The following TANC2 variants were observed in gnomAD, a reference collection of about 807,000 sequenced individuals.
TANC2 encodes tetratricopeptide repeat, ankyrin repeat and coiled-coil containing 2, also known as protein TANC2.
In TANC2, 26 loss-of-function variants were observed where a neutral mutation model predicts 210.5. The ratio of observed to expected loss-of-function variants is 0.12; its 90% CI spans 0.09 to 0.17. The LOEUF is 0.17. TANC2 is among the 10% of genes least tolerant of loss of function. The probability of loss-of-function intolerance (pLI) is 1.00; values close to 1 mark genes in which losing one functional copy is unlikely to be tolerated. For missense variants in TANC2, 2,129 were observed against 2,608.9 expected, an observed-to-expected ratio of 0.82 and a Z score of 4.01; for synonymous variants, 931 against 967.1, an observed-to-expected ratio of 0.96 and a Z score of 0.69.
chr17:63,040,324 T>G (rs998573165), intron 2 of TANC2, among the ~76,000 whole-genome samples: 1 of 152,182 alleles, frequency 6.6e-6, no homozygotes, highest in East Asian at 1.9e-4. Context: ...ATGTTCAGCA[T>G]TGACTCAAGG....
At chr17:62,967,548 G>A (rs185264377) in intron 1 of TANC2, 87 of 152,222 alleles carry the variant, frequency 5.7e-4, no homozygotes, top group African/African-American at 2.1e-3. Flanking sequence ...TCTCTTCTCT[G>A]CTCCTCTCCA....
At chr17:63,092,627 A>G (rs1351245054) in intron 3 of TANC2, among the ~76,000 whole-genome samples, 1 of 152,048 alleles carries the variant, frequency 6.6e-6, no homozygotes, top group East Asian at 1.9e-4. Context: ...ACTTTCAATC[A>G]TAGTGGAAGG....
chr17:63,335,872 A>C (rs2046009749), intron 11 of TANC2, among the ~76,000 whole-genome samples: 2 of 152,166 alleles, frequency 1.3e-5, no homozygotes, highest in Admixed American at 6.5e-5. Flanking sequence ...GATGAGGGAT[A>C]AATAGAAAGT....
intron 8 of TANC2, among the ~76,000 whole-genome samples, chr17:63,248,162 G>T (rs2042966208): frequency 6.6e-6 from 1 of 151,974 alleles, no homozygotes; most frequent in South Asian, 2.1e-4. Flanking sequence ...TCTCAGGAGG[G>T]TCTGCTCTTT....
exon 28 of TANC2, chr17:63,426,298 A>G (rs1003085075): frequency 6.6e-6 from 1 of 152,262 alleles, no homozygotes; most frequent in Non-Finnish European, 1.5e-5. Flanking sequence ...TAGGGGCAAG[A>G]GCTACCTGCA....
At chr17:63,186,602 CG>C (rs1043932563) in intron 5 of TANC2, among the ~76,000 whole-genome samples, 8 of 151,906 alleles carry the variant, frequency 5.3e-5, no homozygotes, top group East Asian at 1.9e-4. Context: ...ATCCACCCCC[CG>C]CTTCAGCCTC....
intron 5 of TANC2, among the ~76,000 whole-genome samples, chr17:63,165,978 G>A (rs1311063545): frequency 6.6e-6 from 1 of 152,170 alleles, no homozygotes; most frequent in Non-Finnish European, 1.5e-5. Flanking sequence ...TTCTTGAGCT[G>A]GTCAAATATT....
At chr17:63,340,236 C>G in exon 12 of TANC2, 2 of 1,613,974 alleles carry the variant, frequency 1.2e-6, no homozygotes, top group Non-Finnish European at 1.7e-6. Flanking sequence ...TCGGGAACCT[C>G]ACCTGCAGAG....
chr17:63,030,011 A>T (rs1234559213), intron 2 of TANC2, among the ~76,000 whole-genome samples: 1 of 152,152 alleles, frequency 6.6e-6, no homozygotes. Context: ...TCAGTTAATG[A>T]CATGCTTTGT....
intron 18 of TANC2, among the ~76,000 whole-genome samples, chr17:63,398,443 G>A (rs1316299912): frequency 2.7e-5 from 4 of 149,184 alleles, no homozygotes; most frequent in Non-Finnish European, 5.9e-5. Context: ...GTGACAGAAC[G>A]AGACCCTGTC....
At chr17:63,036,884 C>G (rs1224816372) in intron 2 of TANC2, among the ~76,000 whole-genome samples, 1 of 147,438 alleles carries the variant, frequency 6.8e-6, no homozygotes, top group Non-Finnish European at 1.5e-5. Context: ...TACAATAGTG[C>G]CCTCTTGTCC....
intron 1 of TANC2, among the ~76,000 whole-genome samples, chr17:62,968,911 A>G (rs1261919839): frequency 2.6e-5 from 4 of 152,152 alleles, no homozygotes; most frequent in Admixed American, 6.5e-5. Context: ...GTGCAATACA[A>G]TTACTACTAC....
chr17:63,144,933 A>G (rs1268407965), intron 4 of TANC2, among the ~76,000 whole-genome samples: 1 of 151,944 alleles, frequency 6.6e-6, no homozygotes, highest in African/African-American at 2.4e-5. Flanking sequence ...TTAACAGGGA[A>G]TATGAATTAT....
chr17:63,086,767 C>A (rs112308341), intron 3 of TANC2, among the ~76,000 whole-genome samples: 297 of 152,080 alleles, frequency 2.0e-3, no homozygotes, highest in African/African-American at 6.9e-3. Flanking sequence ...TAAAACACAC[C>A]CATTAGTGCT....
intron 11 of TANC2, chr17:63,334,160 A>T (rs560806657): frequency 2.0e-5 from 3 of 152,344 alleles, no homozygotes; most frequent in Admixed American, 2.0e-4. Context: ...CAATACAATA[A>T]TCACAACTGG....
At chr17:63,095,768 T>A (rs1000624104) in intron 3 of TANC2, among the ~76,000 whole-genome samples, 16 of 152,164 alleles carry the variant, frequency 1.1e-4, no homozygotes, top group African/African-American at 3.6e-4. Context: ...TATAATCAAA[T>A]TCTCTGCTCA....
intron 8 of TANC2, 110 bp from the exon 9 acceptor site, chr17:63,267,638 T>C: frequency 1.0e-6 from 1 of 983,784 alleles, no homozygotes; most frequent in African/African-American, 1.6e-5. Flanking sequence ...ATTTTGCATA[T>C]ATATTTTTTG....
chr17:63,157,397 G>GT (rs1411499267), intron 5 of TANC2, among the ~76,000 whole-genome samples: 11 of 152,130 alleles, frequency 7.2e-5, no homozygotes, highest in Admixed American at 6.5e-4. Flanking sequence ...TGAATGTGGT[G>GT]TTTAGATCTG....
intron 8 of TANC2, among the ~76,000 whole-genome samples, chr17:63,264,970 A>G (rs1020725627): frequency 2.0e-5 from 3 of 151,956 alleles, no homozygotes; most frequent in African/African-American, 7.2e-5. Flanking sequence ...AAAAAAAGGA[A>G]CTCATTACCT....
Sources: allele counts gnomAD v4.1 joint callset (sites outside exome capture counted in the v4.1 genomes callset), GRCh38; gene constraint gnomAD v4.1.1; transcripts MANE v1.5; gene names NCBI Gene and HGNC (gene_info 2026-07-23, HGNC 2026-07-21).